Variants in EHBP1 observed in about 807,000 individuals in gnomAD.
EHBP1 encodes EH domain binding protein 1, also known as EH domain-binding protein 1.
A neutral mutation model predicts 144.0 loss-of-function variants in EHBP1; 55 were observed. The observed-to-expected ratio is 0.38, with a 90% CI of 0.31 to 0.48. The LOEUF (loss-of-function observed/expected upper bound fraction) is 0.48. EHBP1 is among the 20% of genes least tolerant of loss of function. The pLI is 0.98. For synonymous variants in EHBP1, 469 were observed against 472.7 expected (o/e 0.99, Z 0.10); for missense variants, 1,200 against 1,364.2 (o/e 0.88, Z 1.90).
intron 10 of EHBP1, among the ~76,000 whole-genome samples, chr2:62,920,741 C>A (rs2055007337): frequency 6.6e-6 from 1 of 152,106 alleles, no homozygotes; most frequent in Non-Finnish European, 1.5e-5. Context: ...CTGCTCACTG[C>A]AACCTCTGCC....
At chr2:62,805,028 A>G (rs1470619388) in intron 5 of EHBP1, among the ~76,000 whole-genome samples, 1 of 152,228 alleles carries the variant, frequency 6.6e-6, no homozygotes, top group African/African-American at 2.4e-5. Context: ...GATTGGGGAC[A>G]GCTGTTCTAG....
chr2:62,763,138 C>G (rs1185231755), intron 3 of EHBP1, among the ~76,000 whole-genome samples: 1 of 152,084 alleles, frequency 6.6e-6, no homozygotes, highest in Non-Finnish European at 1.5e-5. Context: ...GGCCTTCTCT[C>G]AAGTGTCATC....
At chr2:62,915,672 G>A (rs1574037802) in intron 10 of EHBP1, among the ~76,000 whole-genome samples, 2 of 151,810 alleles carry the variant, frequency 1.3e-5, no homozygotes, top group East Asian at 2.0e-4. Context: ...GTATCAAAAT[G>A]ATTAAAAATT....
upstream of EHBP1, chr2:62,705,622 G>C (rs1486415312): frequency 1.3e-5 from 2 of 152,328 alleles, no homozygotes; most frequent in East Asian, 3.9e-4. Flanking sequence ...CCCAGCCGCT[G>C]TAAGACCCGG....
chr2:62,985,445 T>C (rs759366518), intron 15 of EHBP1, among the ~76,000 whole-genome samples: 76 of 152,342 alleles, frequency 5.0e-4, no homozygotes, highest in Non-Finnish European at 9.4e-4. Context: ...GGTACTTCCG[T>C]TGAAAACTGC....
intron 5 of EHBP1, among the ~76,000 whole-genome samples, chr2:62,825,488 G>A (rs1479175373): frequency 6.6e-6 from 1 of 151,638 alleles, no homozygotes; most frequent in Non-Finnish European, 1.5e-5. Context: ...AAAGCCAACT[G>A]TTTCTTTTAT....
At chr2:62,791,156 T>G (rs1361558727) in intron 5 of EHBP1, among the ~76,000 whole-genome samples, 1 of 152,052 alleles carries the variant, frequency 6.6e-6, no homozygotes, top group Non-Finnish European at 1.5e-5. Context: ...TTCATTTTCT[T>G]CACTCCCAGA....
chr2:62,768,585 T>C lies in EHBP1; in HGVS notation c.259-2754T>C, dbSNP rs188127632. ...GAGTTCACAGCCAAATTCTACCAGA[T>C]ATACAAAGAATAGCTGGTACTGTTC... On this transcript the variant is annotated intron_variant, in intron 4 of 22. Transcript: ENST00000431489. 2.0e-5 allele frequency among the ~76,000 whole-genome samples: 3 copies of C among 152,204 alleles called. No homozygotes were observed. The East Asian group carries it at 5.8e-4, about 29-fold the overall frequency.
chr2:62,873,585 C>T (rs146069187), intron 9 of EHBP1, among the ~76,000 whole-genome samples: 363 of 151,936 alleles, frequency 2.4e-3, no homozygotes, highest in Non-Finnish European at 4.1e-3. Flanking sequence ...TTTTCAGAAC[C>T]GATAAAACAC....
chr2:62,688,999 T>C (rs1274641296), intron 1 of EHBP1, among the ~76,000 whole-genome samples: 1 of 152,208 alleles, frequency 6.6e-6, no homozygotes, highest in Non-Finnish European at 1.5e-5. Flanking sequence ...CAAGTAAGAA[T>C]GTGTGCATCC....
intron 5 of EHBP1, among the ~76,000 whole-genome samples, chr2:62,795,541 G>C (rs1409416417): frequency 6.6e-6 from 1 of 151,954 alleles, no homozygotes; most frequent in African/African-American, 2.4e-5. Flanking sequence ...TAGTTCCACT[G>C]TACCCACCAC....
intron 4 of EHBP1, among the ~76,000 whole-genome samples, chr2:62,765,136 A>G (rs1018572684): frequency 2.6e-5 from 4 of 152,160 alleles, no homozygotes; most frequent in African/African-American, 9.7e-5. Flanking sequence ...TTACGCTAGA[A>G]GCAATTCTCA....
chr2:62,882,540 T>C (rs892569688), intron 10 of EHBP1, among the ~76,000 whole-genome samples: 1 of 152,220 alleles, frequency 6.6e-6, no homozygotes, highest in Non-Finnish European at 1.5e-5. Context: ...TTCCTCTTTA[T>C]TCCATCAGGA....
chr2:62,947,656 A>G (rs1291201595), intron 12 of EHBP1, among the ~76,000 whole-genome samples: 6 of 152,180 alleles, frequency 3.9e-5, no homozygotes, highest in African/African-American at 1.4e-4. Context: ...AAGGCTAACA[A>G]AAATAATACA....
intron 1 of EHBP1, among the ~76,000 whole-genome samples, chr2:62,683,658 C>CAAAAA (rs397936534): frequency 2.2e-4 from 11 of 50,124 alleles, no homozygotes; most frequent in South Asian, 8.9e-4. Flanking sequence ...GACTCCATCT[C>CAAAAA]AAAAAAAAAA....
At chr2:62,950,981 G>A (rs546715362) in intron 13 of EHBP1, among the ~76,000 whole-genome samples, 5 of 152,214 alleles carry the variant, frequency 3.3e-5, no homozygotes, top group Admixed American at 6.5e-5. Flanking sequence ...CACCGCGCCC[G>A]GCCCGAACCT....
chr2:62,788,391 ATAG>A (rs906615360), intron 5 of EHBP1, among the ~76,000 whole-genome samples: 69 of 151,700 alleles, frequency 4.5e-4, no homozygotes, highest in African/African-American at 1.5e-3. Flanking sequence ...CTAAACTTTG[ATAG>A]TATAGGTGGA....
intron 2 of EHBP1, among the ~76,000 whole-genome samples, chr2:62,746,667 A>G (rs973124794): frequency 2.0e-5 from 3 of 152,090 alleles, no homozygotes; most frequent in African/African-American, 7.2e-5. Flanking sequence ...TTTAGTCGTT[A>G]AAAGGAATGG....
At chr2:62,730,782 A>ACAGG in intron 2 of EHBP1, among the ~76,000 whole-genome samples, 1 of 148,360 alleles carries the variant, frequency 6.7e-6, no homozygotes, top group Admixed American at 6.8e-5. Context: ...AAAGAGACAG[A>ACAGG]CAGAGAAAGA....
Sources: gnomAD v4.1 joint callset for allele counts (sites outside exome capture counted in the v4.1 genomes callset) on GRCh38, gnomAD v4.1.1 for gene constraint, MANE v1.5 for transcripts, NCBI Gene and HGNC (gene_info 2026-07-23, HGNC 2026-07-21) for gene names.